The following RASIP1 variants were observed in gnomAD, a reference collection of about 807,000 sequenced individuals.
RASIP1 encodes ras-interacting protein 1.
RASIP1 carries 20 observed loss-of-function variants against 85.3 expected under a neutral mutation model. The observed-to-expected ratio is 0.23, with a 90% CI of 0.17 to 0.34. RASIP1 has a LOEUF of 0.34. Ranked by LOEUF, RASIP1 falls within the 10% of genes least tolerant of loss-of-function variation. The pLI is 1.00. For missense variants in RASIP1, 1,170 were observed against 1,390.9 expected (o/e 0.84, Z 2.53); for synonymous variants, 617 against 647.1 (o/e 0.95, Z 0.71).
intron 3 of RASIP1, 78 bp from the exon 4 acceptor site, chr19:48,735,629 G>T (rs2033556372): frequency 5.1e-6 from 7 of 1,361,774 alleles, no homozygotes; most frequent in Non-Finnish European, 6.8e-6. Context: ...ATGAGACAAA[G>T]AACTGGTTGC....
chr19:48,729,443 C>CCG lies in RASIP1; in HGVS notation c.1325_1326dup (p.Gly443ArgfsTer193). 1.3e-6 allele frequency: 2 copies of CCG among 1,564,314 alleles called. No individual in the cohort carries two copies. The highest frequency in any genetic ancestry group is 1.7e-6 in the Non-Finnish European group (2 of 1,155,164). ...CGCACCATGGCCGGGTGCTCAGGGCCCGCGCGCACTGTGCAGTGACGCGGC... is the reference window on the plus strand; with the variant it reads ...CGCACCATGGCCGGGTGCTCAGGGCCCGCGCGCGCACTGTGCAGTGACGCGGC... On this transcript the variant is annotated frameshift_variant, in exon 5 of 12. Coordinates refer to ENST00000222145, the MANE Select transcript of RASIP1 (RefSeq NM_017805.3). LOFTEE classifies it high-confidence loss of function.
intron 11 of RASIP1, 67 bp downstream of exon 11, chr19:48,721,787 G>A (rs1568474137): frequency 3.3e-6 from 5 of 1,509,168 alleles, no homozygotes; most frequent in South Asian, 1.2e-5. Context: ...TGAGTGACAG[G>A]GCGAGACTCC....
Position 48,735,220 on chromosome 19 carries a change from C to T in RASIP1, c.1155G>A (p.Leu385=), listed in dbSNP as rs771260766. The T allele has an allele frequency of 1.2e-6, 2 of 1,612,100 alleles. No homozygotes were observed. The highest frequency in any genetic ancestry group is 2.2e-5 in the South Asian group (2 of 90,952). ...QAPSNRPYFL[L]LQGYQDAQDF... ...CCTGGGCGTCCTGGTAGCCCTGGAG[C>T]AGCAGGAAGTAGGGGCGGTTGCTGG... The change falls in exon 4 of 12, where the codon CTG becomes CTA. Residue 385 remains leucine, a synonymous_variant. Transcript: ENST00000222145.
intron 11 of RASIP1, 130 bp from the exon 12 acceptor site, chr19:48,721,127 G>A (rs2033228152): frequency 2.5e-6 from 2 of 786,372 alleles, no homozygotes; most frequent in South Asian, 3.9e-5. Context: ...CTGGGGCGGG[G>A]TCCGTTCACA....
chr19:48,726,993 G>T lies in RASIP1; in HGVS notation c.2023+14C>A. ...GGGAGACTTGGACAAGCCTGAGCCTGAGTCAGAGCTCACCCTCTTGGTCAG... is the reference window on the plus strand; with the variant it reads ...GGGAGACTTGGACAAGCCTGAGCCTTAGTCAGAGCTCACCCTCTTGGTCAG... On this transcript the variant is annotated intron_variant, in intron 7 of 11. Transcript: ENST00000222145. 1 of 1,614,058 alleles carries T rather than the reference G, an allele frequency of 6.2e-7. No individual in the cohort carries two copies. The highest frequency in any genetic ancestry group is 8.5e-7 in the Non-Finnish European group (1 of 1,179,936).
chr19:48,720,712 TC>T lies in RASIP1; in HGVS notation c.*85del. Reference sequence around the variant, plus strand: ...TTCCACGCGGGATAAGAACTACAACTCCCAGAAAGCTTTGCGCTCAGGCGGG... The same window carrying T: ...TTCCACGCGGGATAAGAACTACAACTCCAGAAAGCTTTGCGCTCAGGCGGG... On this transcript the variant is annotated 3_prime_UTR_variant, in exon 12 of 12. Coordinates refer to ENST00000222145, the MANE Select transcript of RASIP1 (RefSeq NM_017805.3). 7.0e-7 allele frequency: 1 copy of T among 1,431,860 alleles called. No individual in the cohort carries two copies. The highest frequency in any genetic ancestry group is 9.7e-7 in the Non-Finnish European group (1 of 1,025,948). The allele number at this position is 1,431,860 out of a possible 1,614,324, so 88.7% of individuals were successfully genotyped here.
At position 48,738,895 on chromosome 19, in the gene RASIP1, C is replaced by G; in HGVS notation, c.823+65G>C. The G allele has an allele frequency of 8.5e-7, 1 of 1,170,520 alleles. No homozygotes were observed. The allele number at this position is 1,170,520 out of a possible 1,614,324, so 72.5% of individuals were successfully genotyped here. The stretch of plus-strand genomic sequence containing the variant: ...CGAGTCCCACAAGCCCCGCCCAGGC[C>G]CCGCCCCACGGACCCCGCCTCTCTG... On this transcript the variant is annotated intron_variant, in intron 3 of 11. Coordinates refer to ENST00000222145, the MANE Select transcript of RASIP1 (RefSeq NM_017805.3). This position sits in a 1 kb window ranked among gnomAD's most constrained non-coding sequence, Gnocchi z 4.0.
chr19:48,724,861 C>T lies in RASIP1; in HGVS notation c.2227G>A (p.Gly743Arg), dbSNP rs201454840. 1.5e-4 allele frequency: 250 copies of T among 1,614,140 alleles called. No homozygotes were observed. Among genetic ancestry groups the T allele is most frequent in the Non-Finnish European group, 2.0e-4 (234 of 1,180,062 alleles). ...AACACGCCCAGGGTAGGTCTCAATC[C>T]TGGAGGCATGGCCCCCAGCTCCGCG... Reference protein sequence around the residue: ...PGAELGAMPPGLRPTLGVFQA... With the variant: ...PGAELGAMPPRLRPTLGVFQA... The change falls in exon 9 of 12, where the codon GGA becomes AGA. Residue 743 changes from glycine to arginine, a missense_variant. By Grantham distance (125) the Gly-to-Arg change is moderately radical. Transcript: ENST00000222145. The surrounding 1 kb of genome is among the most constrained non-coding windows in gnomAD (Gnocchi z 4.6).
chr19:48,729,076 G>A lies in RASIP1; in HGVS notation c.1694C>T (p.Ala565Val). The part of the protein sequence containing the change: ...LLGEIVRAAA[A>V]GSGDLPPLGP... ...GAGGGGCGGCAGGTCTCCCGAGCCG[G>A]CGGCTGCGGCGCGCACGATCTCGCC... The change falls in exon 5 of 12, where the codon GCC (alanine) becomes GTC (valine). Residue 565 changes from alanine (A) to valine (V), a missense_variant. Ala to Val is a moderately conservative substitution (Grantham distance 64). Around this residue, in one of 4 missense-constraint regions of RASIP1, gnomAD observed 426 missense variants for 576.2 expected, o/e 0.74. Coordinates refer to ENST00000222145, the MANE Select transcript of RASIP1 (RefSeq NM_017805.3). 1.5e-6 allele frequency: 2 copies of A among 1,378,644 alleles called. No homozygotes were observed. Among genetic ancestry groups the A allele is most frequent in the Non-Finnish European group, 9.3e-7 (1 of 1,075,606 alleles). The allele number at this position is 1,378,644 out of a possible 1,614,324, so 85.4% of individuals were successfully genotyped here.
Position 48,729,193 on chromosome 19 carries a change from C to T in RASIP1, c.1577G>A (p.Gly526Asp), listed in dbSNP as rs1188307926. Residue 526 changes from glycine to aspartate, a missense_variant, in exon 5 of 12, where the codon GGC (glycine) becomes GAC (aspartate). By Grantham distance (94) the Gly-to-Asp change is moderately conservative. This residue lies in a region of RASIP1 where 426 missense variants were observed against 576.2 expected (regional missense o/e 0.74). Transcript: ENST00000222145. ...WAFSCRLCGR[G>D]LQERGEALAA... ...CAGTGCCTCGCCGCGCTCCTGCAGG[C>T]CGCGGCCGCACAGGCGACAGGAGAA... The T allele has an allele frequency of 5.4e-6, 7 of 1,287,978 alleles. No individual in the cohort carries two copies. In the African/African-American group the frequency reaches 1.1e-4, roughly 21 times the overall value. 79.8% of individuals were successfully genotyped at this position (1,287,978 alleles called of 1,614,324 possible). A position where few individuals can be genotyped will look rare whatever the true frequency, so the allele number is the denominator to read the frequency against.
intron 3 of RASIP1, among the ~76,000 whole-genome samples, chr19:48,736,659 G>T (rs2033578700): frequency 6.6e-6 from 1 of 152,172 alleles, no homozygotes; most frequent in South Asian, 2.1e-4. Context: ...GGACTGATGT[G>T]TTTCCCACTA....
chr19:48,730,167 A>AC (rs2033427908), intron 4 of RASIP1, among the ~76,000 whole-genome samples: 1 of 139,120 alleles, frequency 7.2e-6, no homozygotes, highest in South Asian at 2.3e-4. Context: ...GTACAAGGAG[A>AC]CCCCCCTTTT....
At position 48,735,410 on chromosome 19, in the gene RASIP1, G is replaced by A. The variant is rs1315357376; in HGVS notation, c.965C>T (p.Ser322Phe). ...SGGKERSENL[S>F]LRRSVSELSL... ...AAGCTCCGACACGCTGCGCCGCAAA[G>A]ACAAGTTTTCTGAGCGCTCCTTGCC... The change falls in exon 4 of 12, where the codon TCT becomes TTT. Residue 322 changes from serine to phenylalanine, a missense_variant. This residue lies in a region of RASIP1 where 301 missense variants were observed against 294.8 expected (regional missense o/e 1.02). Coordinates refer to ENST00000222145, the MANE Select transcript of RASIP1 (RefSeq NM_017805.3). 1.9e-6 allele frequency: 3 copies of A among 1,612,318 alleles called. No homozygotes were observed. Among genetic ancestry groups the A allele is most frequent in the Non-Finnish European group, 2.5e-6 (3 of 1,179,614 alleles).
chr19:48,729,159 G>A lies in RASIP1; in HGVS notation c.1611C>T (p.Tyr537=). 2 of 1,311,956 alleles carry A rather than the reference G, an allele frequency of 1.5e-6. No homozygotes were observed. Among genetic ancestry groups the A allele is most frequent in the South Asian group, 1.8e-5 (1 of 55,302 alleles). The allele number at this position is 1,311,956 out of a possible 1,614,324, so 81.3% of individuals were successfully genotyped here. The change falls in exon 5 of 12, where the codon TAC becomes TAT. Residue 537 remains tyrosine (Y), a synonymous_variant. Coordinates refer to ENST00000222145, the MANE Select transcript of RASIP1 (RefSeq NM_017805.3). Reference sequence around the variant, plus strand: ...GCAGGACTGGCTCACGGCCGTCCAGGTAGGCGGCCAGTGCCTCGCCGCGCT... The same window carrying A: ...GCAGGACTGGCTCACGGCCGTCCAGATAGGCGGCCAGTGCCTCGCCGCGCT... ...LQERGEALAA[Y]LDGREPVLRF...
chr19:48,738,841 T>A lies in RASIP1; in HGVS notation c.823+119A>T. ...ACCGTCCAGTCCCCTCCCAGTCCCCTCCCGCGGGCCCCGCCCCCAGCCAGC... is the reference window on the plus strand; with the variant it reads ...ACCGTCCAGTCCCCTCCCAGTCCCCACCCGCGGGCCCCGCCCCCAGCCAGC... On this transcript the variant is annotated intron_variant, in intron 3 of 11. Transcript: ENST00000222145. This position sits in a 1 kb window ranked among gnomAD's most constrained non-coding sequence, Gnocchi z 4.0. 1.2e-4 allele frequency: 127 copies of A among 1,052,804 alleles called. No individual in the cohort carries two copies. The highest frequency in any genetic ancestry group is 7.9e-4 in the Middle Eastern group (2 of 2,528). The allele number at this position is 1,052,804 out of a possible 1,614,324, so 65.2% of individuals were successfully genotyped here. A position where few individuals can be genotyped will look rare whatever the true frequency, so the allele number is the denominator to read the frequency against.
Position 48,740,370 on chromosome 19 carries a change from G to C in RASIP1, c.-4-84C>G. The C allele has an allele frequency of 6.7e-7, 1 of 1,490,658 alleles. No homozygotes were observed. The highest frequency in any genetic ancestry group is 9.0e-7 in the Non-Finnish European group (1 of 1,114,794). 92.3% of individuals were successfully genotyped at this position (1,490,658 alleles called of 1,614,324 possible). On this transcript the variant is annotated intron_variant, in intron 1 of 11. Coordinates refer to ENST00000222145, the MANE Select transcript of RASIP1 (RefSeq NM_017805.3). This position sits in a 1 kb window ranked among gnomAD's most constrained non-coding sequence, Gnocchi z 5.5. ...GGGAACCTGGACTCCGAGTCAGAGG[G>C]AGGAGGGGGCTGGGGCTCAGACTTG...
chr19:48,721,917 G>T lies in RASIP1; in HGVS notation c.2629C>A (p.Pro877Thr). Residue 877 changes from proline (P) to threonine (T), a missense_variant, in exon 11 of 12, where the codon CCT becomes ACT. Pro to Thr is a conservative substitution (Grantham distance 38, BLOSUM62 -1). Transcript: ENST00000222145. ...HHLLSHYQLG[P>T]GRGPPAAWDP... ...CACGCGGCTGGCGGCCCGCGGCCAG[G>T]GCCCAGCTGATAGTGGCTGAGCAGA... 6.2e-7 allele frequency: 1 copy of T among 1,600,864 alleles called. No individual in the cohort carries two copies.
At chr19:48,722,082 G>T in intron 10 of RASIP1, 81 bp from the exon 11 acceptor site, 1 of 1,279,620 alleles carries the variant, frequency 7.8e-7, no homozygotes, top group Non-Finnish European at 1.0e-6. Context: ...CATAAGGGGA[G>T]TGGGTGTGGT....
In RASIP1 at chr19:48,724,594, G is replaced by A; in HGVS notation, c.2372-85C>T. 1 of 1,572,934 alleles carries A rather than the reference G, an allele frequency of 6.4e-7. No individual in the cohort carries two copies. The highest frequency in any genetic ancestry group is 1.2e-5 in the South Asian group (1 of 85,110). ...CAGACTCTTCCTATCCTTCAGCCTG[G>A]GATCTGGAGCTTGTTCTCCAGGGTA... On this transcript the variant is annotated intron_variant, in intron 9 of 11. Transcript: ENST00000222145. The surrounding 1 kb of genome is among the most constrained non-coding windows in gnomAD (Gnocchi z 4.6).
Sources: allele counts gnomAD v4.1 joint callset (sites outside exome capture counted in the v4.1 genomes callset), GRCh38; gene constraint gnomAD v4.1.1; regional missense constraint gnomAD v4.1.1; non-coding constraint Gnocchi (gnomAD v3.1); transcripts MANE v1.5; gene names NCBI Gene and HGNC (gene_info 2026-07-23, HGNC 2026-07-21).